GNAO1: variants seen among roughly 807,000 people sequenced by gnomAD.
The protein encoded by GNAO1 is guanine nucleotide-binding protein G(o) subunit alpha.
For missense variants in GNAO1, 166 were observed against 478.7 expected (o/e 0.35, Z 6.10); for synonymous variants, 164 against 180.7 (o/e 0.91, Z 0.74).
At chr16:56,263,747 A>T (rs2036926367) in intron 2 of GNAO1, among the ~76,000 whole-genome samples, 1 of 152,234 alleles carries the variant, frequency 6.6e-6, no homozygotes. Flanking sequence ...CATAGATATG[A>T]CCGTGACCCT....
At chr16:56,353,229 G>T (rs1279116320) in intron 7 of GNAO1, 1 of 152,338 alleles carries the variant, frequency 6.6e-6, no homozygotes, top group Non-Finnish European at 1.5e-5. Context: ...ATGGAGTCCA[G>T]TAGGCCCCCT....
chr16:56,352,606 G>T (rs1458806078), intron 7 of GNAO1: 2 of 152,310 alleles, frequency 1.3e-5, no homozygotes, highest in Admixed American at 1.3e-4. Context: ...GGGCCACACG[G>T]GTCCCCAAGC....
intron 6 of GNAO1, among the ~76,000 whole-genome samples, chr16:56,349,402 G>A (rs559399317): frequency 6.6e-6 from 1 of 152,288 alleles, no homozygotes; most frequent in East Asian, 1.9e-4. Context: ...CACCACTCTG[G>A]CCTCATAATG....
chr16:56,227,965 G>A (rs1173765397), intron 2 of GNAO1, among the ~76,000 whole-genome samples: 10 of 152,138 alleles, frequency 6.6e-5, no homozygotes, highest in South Asian at 2.1e-4. Context: ...ACACAACTGC[G>A]TAAATGGCTG....
chr16:56,210,596 G>C (rs915567057), intron 2 of GNAO1, among the ~76,000 whole-genome samples: 1 of 152,170 alleles, frequency 6.6e-6, no homozygotes, highest in Non-Finnish European at 1.5e-5. Context: ...GTCCGTTTTT[G>C]GATTTTGTCC....
At chr16:56,285,110 A>G (rs1242189823) in intron 3 of GNAO1, among the ~76,000 whole-genome samples, 1 of 152,186 alleles carries the variant, frequency 6.6e-6, no homozygotes, top group Non-Finnish European at 1.5e-5. Flanking sequence ...CAGTCTCTAC[A>G]TGTTCATTGC....
At chr16:56,272,253 G>A (rs1169028673) in intron 2 of GNAO1, among the ~76,000 whole-genome samples, 2 of 152,116 alleles carry the variant, frequency 1.3e-5, no homozygotes, top group African/African-American at 4.8e-5. Flanking sequence ...AGCTTGCAGT[G>A]AGCCGAGATT....
intron 2 of GNAO1, among the ~76,000 whole-genome samples, chr16:56,254,893 T>C (rs967499024): frequency 6.6e-6 from 1 of 152,180 alleles, no homozygotes; most frequent in Non-Finnish European, 1.5e-5. Context: ...TAAACACATA[T>C]TGCTTTAATG....
At chr16:56,331,554 G>C (rs1291443989) in intron 4 of GNAO1, among the ~76,000 whole-genome samples, 5 of 152,058 alleles carry the variant, frequency 3.3e-5, no homozygotes, top group Admixed American at 2.6e-4. Context: ...CCTAGTACCT[G>C]GTACCTCCTT....
chr16:56,253,877 TA>T (rs1257113595), intron 2 of GNAO1, among the ~76,000 whole-genome samples: 1 of 152,152 alleles, frequency 6.6e-6, no homozygotes, highest in Non-Finnish European at 1.5e-5. Context: ...AGCTTCTACT[TA>T]AAAAACAAAC....
intron 3 of GNAO1, among the ~76,000 whole-genome samples, chr16:56,292,788 C>T (rs2037245236): frequency 6.6e-6 from 1 of 152,212 alleles, no homozygotes; most frequent in Admixed American, 6.5e-5. Flanking sequence ...TTTAAAAATA[C>T]TGGAGAAAGT....
intron 3 of GNAO1, among the ~76,000 whole-genome samples, chr16:56,289,861 C>T (rs2037212736): frequency 6.6e-6 from 1 of 152,140 alleles, no homozygotes; most frequent in Non-Finnish European, 1.5e-5. Flanking sequence ...TGTCCCTGCC[C>T]CAGTCCCCCA....
intron 3 of GNAO1, among the ~76,000 whole-genome samples, chr16:56,279,159 A>G (rs1467408700): frequency 6.6e-6 from 1 of 151,902 alleles, no homozygotes; most frequent in Non-Finnish European, 1.5e-5. Flanking sequence ...CACTCTCCAC[A>G]CAGAAAAGCG....
intron 3 of GNAO1, among the ~76,000 whole-genome samples, chr16:56,320,214 T>A (rs1209728917): frequency 6.6e-6 from 1 of 152,054 alleles, no homozygotes; most frequent in Non-Finnish European, 1.5e-5. Flanking sequence ...AAGAGTCCCA[T>A]CCTCCTCCCG....
At chr16:56,210,019 GC>G (rs555379244) in intron 2 of GNAO1, among the ~76,000 whole-genome samples, 14 of 152,222 alleles carry the variant, frequency 9.2e-5, no homozygotes, top group African/African-American at 3.4e-4. Flanking sequence ...TATTTTCACT[GC>G]CTTAAAAATC....
intron 2 of GNAO1, among the ~76,000 whole-genome samples, chr16:56,231,253 C>T (rs1244246335): frequency 1.3e-5 from 2 of 152,144 alleles, no homozygotes; most frequent in Non-Finnish European, 2.9e-5. Context: ...TGAAATCCAC[C>T]GTGGGGTAGG....
chr16:56,200,103 C>T (rs1399378994), intron 2 of GNAO1, among the ~76,000 whole-genome samples: 1 of 152,170 alleles, frequency 6.6e-6, no homozygotes, highest in Non-Finnish European at 1.5e-5. Flanking sequence ...AGAATAGCTT[C>T]TCCATGCTTT....
chr16:56,263,874 A>T (rs2036927403), intron 2 of GNAO1, among the ~76,000 whole-genome samples: 1 of 152,260 alleles, frequency 6.6e-6, no homozygotes, highest in Non-Finnish European at 1.5e-5. Context: ...CCAGAGTCCC[A>T]GTGGCTTGTC....
intron 3 of GNAO1, among the ~76,000 whole-genome samples, chr16:56,278,533 G>T (rs2037084946): frequency 6.6e-6 from 1 of 152,190 alleles, no homozygotes; most frequent in Non-Finnish European, 1.5e-5. Context: ...GAGGAGACAT[G>T]CCAGGCCAGA....
Sources: allele counts gnomAD v4.1 joint callset (sites outside exome capture counted in the v4.1 genomes callset), GRCh38; gene constraint gnomAD v4.1.1; transcripts MANE v1.5; gene names NCBI Gene and HGNC (gene_info 2026-07-23, HGNC 2026-07-21).